The following MYO16 variants were observed in gnomAD, a reference collection of about 807,000 sequenced individuals.
MYO16 encodes the protein unconventional myosin-XVI.
Under a neutral mutation model 205.3 loss-of-function variants are expected in MYO16, and 94 were observed. The observed-to-expected ratio is 0.46, with a 90% CI of 0.39 to 0.54. The LOEUF (loss-of-function observed/expected upper bound fraction) is 0.54. Among genes scored for constraint, MYO16 ranks in the 20% least tolerant of loss-of-function variants. The pLI is 0.00. For synonymous variants in MYO16, 988 were observed against 954.0 expected (o/e 1.04, Z -0.66); for missense variants, 2,315 against 2,387.5 (o/e 0.97, Z 0.63).
the MYO16 span, among the ~76,000 whole-genome samples, chr13:108,588,814 GAA>G: frequency 6.6e-6 from 1 of 152,096 alleles, no homozygotes; most frequent in Non-Finnish European, 1.5e-5. Context: ...AGGCTAGGCT[GAA>G]CAGAGACCCC....
At chr13:108,621,284 C>T (rs1306654617) in intron 1 of MYO16, among the ~76,000 whole-genome samples, 3 of 152,140 alleles carry the variant, frequency 2.0e-5, no homozygotes, top group Admixed American at 2.0e-4. Flanking sequence ...ATGTTGAGTG[C>T]TCAACAAAGA....
chr13:108,575,782 G>A, the MYO16 span, among the ~76,000 whole-genome samples: 5 of 152,056 alleles, frequency 3.3e-5, no homozygotes, highest in Admixed American at 1.3e-4. Flanking sequence ...TGGTGCCTAC[G>A]CTCTGGTTAA....
At chr13:108,557,620 T>A in the MYO16 span, among the ~76,000 whole-genome samples, 7 of 152,318 alleles carry the variant, frequency 4.6e-5, no homozygotes, top group Non-Finnish European at 8.8e-5. Flanking sequence ...ATTGCTGTGG[T>A]TTACTTGAAG....
intron 11 of MYO16, 91 bp from the exon 12 acceptor site, chr13:108,866,086 T>A (rs1878697749): frequency 6.1e-6 from 5 of 817,808 alleles, no homozygotes; most frequent in Non-Finnish European, 8.9e-6. Context: ...TTATTTATAT[T>A]TCATACACTG....
At chr13:108,879,140 C>T (rs1879474594) in intron 12 of MYO16, among the ~76,000 whole-genome samples, 1 of 152,172 alleles carries the variant, frequency 6.6e-6, no homozygotes. Flanking sequence ...CCTGCTACTG[C>T]CAATTTGACT....
chr13:109,201,512 A>AAAAAAAC (rs58049917), intron 34 of MYO16: 1 of 147,378 alleles, frequency 6.8e-6, no homozygotes, highest in African/African-American at 2.5e-5. Flanking sequence ...AAAAAAAAAA[A>AAAAAAAC]TCTTATTCTT....
At chr13:109,106,680 C>A (rs1180011283) in intron 28 of MYO16, among the ~76,000 whole-genome samples, 1 of 152,160 alleles carries the variant, frequency 6.6e-6, no homozygotes. Flanking sequence ...CAGAGTCGGT[C>A]CATGTGATAC....
chr13:108,953,522 T>G (rs1045766709), intron 16 of MYO16, among the ~76,000 whole-genome samples: 2 of 152,166 alleles, frequency 1.3e-5, no homozygotes, highest in East Asian at 3.9e-4. Flanking sequence ...TTTAATATAT[T>G]TTTACTCTGT....
In MYO16 at chr13:109,008,932, C is replaced by G; in HGVS notation, c.2478C>G (p.His826Gln). ...CVNMTNEKMH[H>Q]YINEVLFLHE... ...ACATGACCAATGAGAAGATGCACCA[C>G]TATATCAATGAAGTGCTTTTTCTCC... The change falls in exon 22 of 35, where the codon CAC (histidine) becomes CAG (glutamine). Residue 826 changes from histidine to glutamine, a missense_variant. Around this residue, in one of 3 missense-constraint regions of MYO16, gnomAD observed 1,213 missense variants for 1,274.4 expected, o/e 0.95. Coordinates refer to ENST00000457511, the MANE Select transcript of MYO16 (RefSeq NM_001198950.3). 6.2e-7 allele frequency: 1 copy of G among 1,613,198 alleles called. No homozygotes were observed. The highest frequency in any genetic ancestry group is 1.3e-5 in the African/African-American group (1 of 75,028).
intron 27 of MYO16, 50 bp from the exon 28 acceptor site, chr13:109,100,735 T>C (rs745978045): frequency 1.4e-6 from 2 of 1,442,906 alleles, no homozygotes; most frequent in Non-Finnish European, 1.9e-6. Flanking sequence ...AATGTGATCA[T>C]GTGCTTGGCA....
At chr13:108,983,524 A>G (rs1884521689) in intron 20 of MYO16, among the ~76,000 whole-genome samples, 1 of 152,232 alleles carries the variant, frequency 6.6e-6, no homozygotes, top group Admixed American at 6.5e-5. Context: ...TTGGTTGGCC[A>G]TAGAACTGAG....
In MYO16 at chr13:109,141,289, C is replaced by T; in HGVS notation, c.5077C>T (p.Pro1693Ser). Reference protein sequence around the residue: ...SPPSSRPLSSPLDELASLFNS... With the variant: ...SPPSSRPLSSSLDELASLFNS... ...TCCCAGCTCCAGGCCTCTCAGCAGC[C>T]CCCTGGACGAGCTCGCCAGCCTCTT... The change falls in exon 32 of 35, where the codon CCC becomes TCC. Residue 1693 changes from proline to serine, a missense_variant. Coordinates refer to ENST00000457511, the MANE Select transcript of MYO16 (RefSeq NM_001198950.3). This position sits in a 1 kb window ranked among gnomAD's most constrained non-coding sequence, Gnocchi z 4.1. The T allele has an allele frequency of 6.3e-7, 1 of 1,597,418 alleles. No homozygotes were observed. The highest frequency in any genetic ancestry group is 8.5e-7 in the Non-Finnish European group (1 of 1,172,500).
At chr13:108,764,662 A>G (rs920248294) in intron 4 of MYO16, among the ~76,000 whole-genome samples, 1 of 152,218 alleles carries the variant, frequency 6.6e-6, no homozygotes, top group Non-Finnish European at 1.5e-5. Context: ...GCTCTTTACT[A>G]GCCCTGGAAC....
intron 4 of MYO16, among the ~76,000 whole-genome samples, chr13:108,768,916 A>G (rs773168974): frequency 6.6e-6 from 1 of 152,212 alleles, no homozygotes; most frequent in African/African-American, 2.4e-5. Flanking sequence ...TCAAATGGCC[A>G]TGAACATGTG....
intron 1 of MYO16, among the ~76,000 whole-genome samples, chr13:108,653,035 C>T (rs1881081338): frequency 6.6e-6 from 1 of 152,216 alleles, no homozygotes; most frequent in Non-Finnish European, 1.5e-5. Flanking sequence ...TTCTCTACAT[C>T]CTCACCAATG....
chr13:108,861,502 C>T (rs923790210), intron 11 of MYO16, among the ~76,000 whole-genome samples: 3 of 151,786 alleles, frequency 2.0e-5, no homozygotes, highest in African/African-American at 4.8e-5. Flanking sequence ...ATTTTTTGGC[C>T]CACATAAGTA....
intron 10 of MYO16, among the ~76,000 whole-genome samples, chr13:108,849,645 G>A (rs1421169389): frequency 5.5e-5 from 8 of 146,290 alleles, no homozygotes; most frequent in African/African-American, 1.5e-4. Flanking sequence ...GTGTGTGTGT[G>A]TGTGTGTGTG....
At chr13:108,751,708 GATGTC>G (rs1885244586) in intron 4 of MYO16, among the ~76,000 whole-genome samples, 1 of 152,066 alleles carries the variant, frequency 6.6e-6, no homozygotes, top group African/African-American at 2.4e-5. Context: ...CCCTTCATGT[GATGTC>G]ATGGGAATGG....
intron 11 of MYO16, 113 bp from the exon 12 acceptor site, chr13:108,866,064 G>T: frequency 3.0e-6 from 2 of 661,134 alleles, no homozygotes; most frequent in Non-Finnish European, 2.2e-6. Flanking sequence ...TACTAAAGTA[G>T]ATTTTTTCTT....
Sources: allele counts gnomAD v4.1 joint callset (sites outside exome capture counted in the v4.1 genomes callset), GRCh38; gene constraint gnomAD v4.1.1; regional missense constraint gnomAD v4.1.1; non-coding constraint Gnocchi (gnomAD v3.1); transcripts MANE v1.5; gene names NCBI Gene and HGNC (gene_info 2026-07-23, HGNC 2026-07-21).